Variants in TMTC2 observed in about 807,000 individuals in gnomAD.
TMTC2 encodes the protein protein O-mannosyl-transferase TMTC2.
A neutral mutation model predicts 82.4 loss-of-function variants in TMTC2; 43 were observed. That is an observed-to-expected ratio of 0.52 (90% CI 0.41 to 0.67). The LOEUF is 0.67. TMTC2 is among the 30% of genes least tolerant of loss of function. The probability of loss-of-function intolerance (pLI) is 0.00; values close to 1 mark genes in which losing one functional copy is unlikely to be tolerated. For missense variants in TMTC2, 919 were observed against 1,012.4 expected, an observed-to-expected ratio of 0.91 and a Z score of 1.25; for synonymous variants, 408 against 381.9, an observed-to-expected ratio of 1.07 and a Z score of -0.80.
chr12:83,041,739 G>A (rs1881903128), intron 9 of TMTC2, among the ~76,000 whole-genome samples: 1 of 151,960 alleles, frequency 6.6e-6, no homozygotes, highest in Non-Finnish European at 1.5e-5. Context: ...GTGCTCAACA[G>A]TCTAAACAGT....
intron 11 of TMTC2, among the ~76,000 whole-genome samples, chr12:83,122,969 G>A (rs1317010851): frequency 6.6e-6 from 1 of 152,156 alleles, no homozygotes; most frequent in Non-Finnish European, 1.5e-5. Flanking sequence ...AATAATTTCC[G>A]GGGTAATATT....
chr12:83,009,935 T>C lies in TMTC2; in HGVS notation c.2071-20863T>C, dbSNP rs74545756. 6.4e-3 allele frequency among the ~76,000 whole-genome samples: 978 copies of C among 152,290 alleles called. 15 individuals are homozygous for C. Among genetic ancestry groups the C allele is most frequent in the African/African-American group, 0.023 (940 of 41,572 alleles). On this transcript the variant is annotated intron_variant, in intron 8 of 11. Coordinates refer to ENST00000321196, the MANE Select transcript of TMTC2 (RefSeq NM_152588.3). ...CAGTGCAGTTCACAACAGGGTTTTG[T>C]GTTCCTGTGAGAATCTAATGCTGCC...
intron 8 of TMTC2, among the ~76,000 whole-genome samples, chr12:83,022,501 A>G (rs189335822): frequency 2.0e-5 from 3 of 152,000 alleles, no homozygotes; most frequent in Admixed American, 1.3e-4. Flanking sequence ...CAGGGAAGGA[A>G]CTTTGTCTTG....
At chr12:82,943,517 C>CT (rs1283659627) in intron 4 of TMTC2, among the ~76,000 whole-genome samples, 1 of 152,110 alleles carries the variant, frequency 6.6e-6, no homozygotes. Flanking sequence ...TTGGAGGTAT[C>CT]TTTTTTGTCC....
intron 11 of TMTC2, among the ~76,000 whole-genome samples, chr12:83,083,947 A>C (rs1029463295): frequency 6.6e-6 from 1 of 152,190 alleles, no homozygotes; most frequent in Non-Finnish European, 1.5e-5. Context: ...TTCAAAGATA[A>C]TGTCGACTTT....
At chr12:82,735,355 T>TA (rs1875031103) in intron 1 of TMTC2, among the ~76,000 whole-genome samples, 2 of 151,282 alleles carry the variant, frequency 1.3e-5, no homozygotes, top group South Asian at 4.2e-4. Flanking sequence ...TTTGATTTTT[T>TA]TTTTTTTTGA....
intron 1 of TMTC2, among the ~76,000 whole-genome samples, chr12:82,813,686 T>A (rs1005601585): frequency 2.6e-5 from 4 of 152,112 alleles, no homozygotes; most frequent in Non-Finnish European, 5.9e-5. Context: ...CTACCCTCCC[T>A]ACCCTTTTAA....
chr12:82,859,645 C>G (rs1450714266), intron 2 of TMTC2, among the ~76,000 whole-genome samples: 1 of 152,190 alleles, frequency 6.6e-6, no homozygotes, highest in African/African-American at 2.4e-5. Flanking sequence ...CAACCTTATT[C>G]ATGTAACAGC....
chr12:82,803,138 G>C (rs1273220675), intron 1 of TMTC2, among the ~76,000 whole-genome samples: 2 of 152,138 alleles, frequency 1.3e-5, no homozygotes, highest in African/African-American at 4.8e-5. Flanking sequence ...TTAAATTTTG[G>C]CTATGTCATC....
At chr12:82,846,976 A>G (rs752874541) in intron 1 of TMTC2, among the ~76,000 whole-genome samples, 1 of 152,070 alleles carries the variant, frequency 6.6e-6, no homozygotes, top group Non-Finnish European at 1.5e-5. Flanking sequence ...CTAGAAACCT[A>G]ACACTGCCCC....
chr12:82,708,237 ACT>A (rs1463437472), intron 1 of TMTC2, among the ~76,000 whole-genome samples: 2 of 151,768 alleles, frequency 1.3e-5, no homozygotes, highest in African/African-American at 4.8e-5. Flanking sequence ...TAATTTTAAA[ACT>A]CTTCTGGCAA....
chr12:82,785,742 A>T (rs1878148211), intron 1 of TMTC2, among the ~76,000 whole-genome samples: 2 of 152,082 alleles, frequency 1.3e-5, no homozygotes, highest in Non-Finnish European at 2.9e-5. Context: ...CAATCCTGAA[A>T]CATGGTTCCC....
intron 2 of TMTC2, among the ~76,000 whole-genome samples, chr12:82,889,524 G>C (rs1371145578): frequency 6.6e-6 from 1 of 151,952 alleles, no homozygotes; most frequent in Admixed American, 6.6e-5. Context: ...CTACACTAGA[G>C]GTTTCCTCGT....
At chr12:83,059,635 A>G (rs956701062) in intron 10 of TMTC2, among the ~76,000 whole-genome samples, 1 of 151,810 alleles carries the variant, frequency 6.6e-6, no homozygotes, top group Non-Finnish European at 1.5e-5. Context: ...TTTCTAACCT[A>G]GATATTTCCT....
Position 82,699,443 on chromosome 12 carries a change from G to A in TMTC2, c.83+11774G>A, listed in dbSNP as rs545030896. 7.6e-4 allele frequency among the ~76,000 whole-genome samples: 116 copies of A among 152,248 alleles called. 1 individual carries two copies. The highest frequency in any genetic ancestry group is 2.6e-3 in the African/African-American group (110 of 41,558). On this transcript the variant is annotated intron_variant, in intron 1 of 11. Coordinates refer to ENST00000321196, the MANE Select transcript of TMTC2 (RefSeq NM_152588.3). ...GGTATAAATAGTCTTTGGTACTTTG[G>A]TTCTGCTTGGCAGAGCATATTGTTA...
At chr12:83,113,151 C>T (rs1161168348) in intron 11 of TMTC2, among the ~76,000 whole-genome samples, 1 of 152,080 alleles carries the variant, frequency 6.6e-6, no homozygotes, top group Non-Finnish European at 1.5e-5. Context: ...TGGTTACTTC[C>T]TTGCTTCCTT....
At chr12:82,822,495 T>C (rs528474947) in intron 1 of TMTC2, among the ~76,000 whole-genome samples, 1 of 152,290 alleles carries the variant, frequency 6.6e-6, no homozygotes, top group Non-Finnish European at 1.5e-5. Context: ...AGAATACTCT[T>C]ATATAGTCTA....
At chr12:82,861,320 T>C (rs1466350181) in intron 2 of TMTC2, among the ~76,000 whole-genome samples, 2 of 152,220 alleles carry the variant, frequency 1.3e-5, no homozygotes, top group Non-Finnish European at 2.9e-5. Context: ...AGCTTGATTC[T>C]ACATCCGGAT....
intron 1 of TMTC2, among the ~76,000 whole-genome samples, chr12:82,749,702 A>C (rs1171197519): frequency 1.3e-5 from 2 of 151,418 alleles, no homozygotes. Flanking sequence ...TTGTGTTAAC[A>C]GATAGAAACT....
Sources: gnomAD v4.1 joint callset for allele counts (sites outside exome capture counted in the v4.1 genomes callset) on GRCh38, gnomAD v4.1.1 for gene constraint, MANE v1.5 for transcripts, NCBI Gene and HGNC (gene_info 2026-07-23, HGNC 2026-07-21) for gene names.